NPFFR2: variants seen among roughly 807,000 people sequenced by gnomAD.
The protein encoded by NPFFR2 is neuropeptide FF receptor 2.
In NPFFR2, 15 loss-of-function variants were observed where a neutral mutation model predicts 13.1. That is an observed-to-expected ratio of 1.15 (90% CI 0.77 to 1.76). The LOEUF is 1.76. NPFFR2 is among the 40% of genes most tolerant of loss of function. The pLI is 0.00. For missense variants in NPFFR2, 572 were observed against 503.5 expected (o/e 1.14, Z -1.30); for synonymous variants, 190 against 175.7 (o/e 1.08, Z -0.65).
intron 1 of NPFFR2, among the ~76,000 whole-genome samples, chr4:72,091,781 T>G (rs1289165071): frequency 1.3e-5 from 2 of 152,054 alleles, no homozygotes; most frequent in Non-Finnish European, 1.5e-5. Flanking sequence ...TTTCAAAGAA[T>G]CAGCTGTTTG....
At chr4:72,091,742 C>A (rs555199313) in intron 1 of NPFFR2, among the ~76,000 whole-genome samples, 1 of 152,106 alleles carries the variant, frequency 6.6e-6, no homozygotes, top group South Asian at 2.1e-4. Context: ...TGGTTAGTCT[C>A]ACTAATGTTC....
chr4:72,042,392 A>G (rs7695255), intron 1 of NPFFR2, among the ~76,000 whole-genome samples: 133,881 of 152,190 alleles, frequency 0.88, 60,256 homozygotes, highest in Non-Finnish European at 0.98. Context: ...GAGTATATTA[A>G]TATCCAGAAT....
intron 1 of NPFFR2, among the ~76,000 whole-genome samples, chr4:72,057,331 T>C (rs1248586651): frequency 6.6e-6 from 1 of 151,938 alleles, no homozygotes; most frequent in African/African-American, 2.4e-5. Context: ...AATAGAAATT[T>C]ATTTTCTCAC....
In NPFFR2 at chr4:72,138,047, A is replaced by G; in HGVS notation, c.336A>G (p.Pro112=). 1 of 1,612,266 alleles carries G rather than the reference A, an allele frequency of 6.2e-7. No individual in the cohort carries two copies. The highest frequency in any genetic ancestry group is 8.5e-7 in the Non-Finnish European group (1 of 1,178,846). The change falls in exon 3 of 4, where the codon CCA becomes CCG. Residue 112 remains proline, a synonymous_variant. Coordinates refer to ENST00000308744, the MANE Select transcript of NPFFR2 (RefSeq NM_004885.3). ...TLLDNIIAGW[P]FGNTMCKISG... is the part of the protein sequence containing the mutation. ...GTTTCATTTTCCTTTCAGGATGGCC[A>G]TTTGGAAACACGATGTGCAAGATCA...
At position 72,062,513 on chromosome 4, in the gene NPFFR2, A is replaced by G. The variant is rs189034000; in HGVS notation, c.-8+30313A>G. 6.4e-3 allele frequency among the ~76,000 whole-genome samples: 450 copies of G among 70,552 alleles called. 13 individuals carry two copies. In the Admixed American group the frequency reaches 0.068, roughly 11 times the overall value. 46.3% of individuals were successfully genotyped at this position (70,552 alleles called of 152,430 possible). A position where few individuals can be genotyped will look rare whatever the true frequency, so the allele number is the denominator to read the frequency against. On this transcript the variant is annotated intron_variant, in intron 1 of 3. Coordinates refer to ENST00000308744, the MANE Select transcript of NPFFR2 (RefSeq NM_004885.3). ...ATTCATTCAAGACTAGGTATACTGTAATAGATTGTAAAAAAAAAAAAAAAG... is the reference window on the plus strand; with the variant it reads ...ATTCATTCAAGACTAGGTATACTGTGATAGATTGTAAAAAAAAAAAAAAAG...
At chr4:72,058,831 ACAGCAGCTCACACCACAGCAT>A (rs1224841657) in intron 1 of NPFFR2, among the ~76,000 whole-genome samples, 1 of 152,022 alleles carries the variant, frequency 6.6e-6, no homozygotes, top group Non-Finnish European at 1.5e-5. Flanking sequence ...CCCAAGAGGC[ACAGCAGCTCACACCACAGCAT>A]GTACCTGCTG....
intron 1 of NPFFR2, among the ~76,000 whole-genome samples, chr4:72,050,582 A>G (rs71601790): frequency 0.27 from 40,395 of 151,912 alleles, 6,005 homozygotes; most frequent in Middle Eastern, 0.37. Flanking sequence ...AAGGAAAGCA[A>G]CATGTTTTAC....
intron 1 of NPFFR2, 51 bp downstream of exon 1, chr4:72,032,251 C>T (rs1453100715): frequency 6.5e-7 from 1 of 1,527,034 alleles, no homozygotes; most frequent in Non-Finnish European, 8.8e-7. Context: ...GGGCGCGACC[C>T]CTCTCTAATG....
In NPFFR2 at chr4:72,059,283, T is replaced by G. The variant is rs34528241; in HGVS notation, c.-8+27083T>G. Among the ~76,000 whole-genome samples, 435 of 152,196 alleles carry G rather than the reference T, an allele frequency of 2.9e-3. 4 individuals carry two copies. Among genetic ancestry groups the G allele is most frequent in the South Asian group, 3.7e-3 (18 of 4,826 alleles). ...TTATGACAGAGTTAAAGAAAAGATA[T>G]AGTTTCACATAGCGCTGAGAGAAAA... On this transcript the variant is annotated intron_variant, in intron 1 of 3. Transcript: ENST00000308744.
At chr4:72,032,646 G>A (rs931755762) in intron 1 of NPFFR2, among the ~76,000 whole-genome samples, 2 of 152,208 alleles carry the variant, frequency 1.3e-5, no homozygotes, top group African/African-American at 2.4e-5. Context: ...TAGAAAAGCT[G>A]AAATCAGGTT....
chr4:72,055,057 A>G (rs1366516858), intron 1 of NPFFR2, among the ~76,000 whole-genome samples: 1 of 151,974 alleles, frequency 6.6e-6, no homozygotes, highest in Non-Finnish European at 1.5e-5. Context: ...TTAAACTACT[A>G]ATATATGCAA....
At chr4:72,068,909 C>G in intron 1 of NPFFR2, 1 of 986,444 alleles carries the variant, frequency 1.0e-6, no homozygotes, top group Non-Finnish European at 1.4e-6. Flanking sequence ...TTCTTTATTT[C>G]CAGGTCTCCT....
intron 1 of NPFFR2, among the ~76,000 whole-genome samples, chr4:72,119,861 A>G (rs994838179): frequency 6.6e-6 from 1 of 152,318 alleles, no homozygotes; most frequent in African/African-American, 2.4e-5. Context: ...TCATTTGGGC[A>G]GACACCCAGC....
intron 2 of NPFFR2, among the ~76,000 whole-genome samples, chr4:72,133,252 T>C (rs1402688180): frequency 6.6e-6 from 1 of 152,216 alleles, no homozygotes; most frequent in African/African-American, 2.4e-5. Flanking sequence ...ATTTATTAAA[T>C]AGGGAGTCCT....
intron 1 of NPFFR2, among the ~76,000 whole-genome samples, chr4:72,120,386 G>A (rs541732519): frequency 6.6e-6 from 1 of 152,320 alleles, no homozygotes. Flanking sequence ...AGATCTCCCA[G>A]CACAGTGCTC....
intron 3 of NPFFR2, chr4:72,146,653 A>G (rs1206718960): frequency 1.3e-5 from 3 of 233,002 alleles, no homozygotes; most frequent in African/African-American, 4.6e-5. Flanking sequence ...CTGTTTTGCT[A>G]TCTTTTAAGC....
intron 1 of NPFFR2, among the ~76,000 whole-genome samples, chr4:72,042,850 G>T (rs1047586109): frequency 1.3e-5 from 2 of 152,180 alleles, no homozygotes; most frequent in Admixed American, 6.5e-5. Context: ...TTTCTGAAAA[G>T]AAATTTAAGC....
intron 1 of NPFFR2, among the ~76,000 whole-genome samples, chr4:72,107,661 T>G (rs183067483): frequency 6.6e-6 from 1 of 152,128 alleles, no homozygotes; most frequent in African/African-American, 2.4e-5. Context: ...CTACTCATCA[T>G]AAGTATGCCC....
At chr4:72,075,596 A>G (rs753081902) in intron 1 of NPFFR2, among the ~76,000 whole-genome samples, 2 of 152,116 alleles carry the variant, frequency 1.3e-5, no homozygotes, top group Non-Finnish European at 2.9e-5. Flanking sequence ...TAACATACAT[A>G]TGTGGAACAT....
Sources: allele counts gnomAD v4.1 joint callset (sites outside exome capture counted in the v4.1 genomes callset), GRCh38; gene constraint gnomAD v4.1.1; transcripts MANE v1.5; gene names NCBI Gene and HGNC (gene_info 2026-07-23, HGNC 2026-07-21).